Variants in ZNF678 observed in about 807,000 individuals in gnomAD.
The protein encoded by ZNF678 is zinc finger protein 678.
In ZNF678, 5 loss-of-function variants were observed where a neutral mutation model predicts 3.0. The ratio of observed to expected loss-of-function variants is 1.69; its 90% CI spans 0.88 to 3.56. The LOEUF is 3.56. ZNF678 is among the 30% of genes most tolerant of loss of function. The pLI is 0.00. For synonymous variants in ZNF678, 218 were observed against 199.6 expected (o/e 1.09, Z -0.78); for missense variants, 593 against 605.0 (o/e 0.98, Z 0.21).
At chr1:227,664,588 G>C (rs1659471192), downstream of ZNF678, among the ~76,000 whole-genome samples, 1 of 152,170 alleles carries the variant, frequency 6.6e-6, no homozygotes, top group African/African-American at 2.4e-5. Context: ...TTGTTGGAAA[G>C]CATTCTCACG....
At chr1:227,642,421 A>G (rs1248191188) in intron 1 of ZNF678, among the ~76,000 whole-genome samples, 1 of 152,150 alleles carries the variant, frequency 6.6e-6, no homozygotes, top group East Asian at 1.9e-4. Flanking sequence ...GTACCTTAGC[A>G]ATGAGAGGTC....
chr1:227,568,172 T>C (rs993713729), intron 1 of ZNF678, among the ~76,000 whole-genome samples: 1 of 152,182 alleles, frequency 6.6e-6, no homozygotes, highest in Non-Finnish European at 1.5e-5. Flanking sequence ...ATTGGAGCAC[T>C]AAGCTTGTGG....
intron 1 of ZNF678, among the ~76,000 whole-genome samples, chr1:227,583,352 CTTTTTTTTTTT>C (rs796974595): frequency 3.8e-5 from 5 of 131,914 alleles, no homozygotes; most frequent in African/African-American, 1.1e-4. Context: ...TTTCTTTTTT[CTTTTTTTTTTT>C]TTTTTTGAGA....
chr1:227,592,848 A>T (rs1163077306), intron 1 of ZNF678, among the ~76,000 whole-genome samples: 1 of 152,188 alleles, frequency 6.6e-6, no homozygotes, highest in Non-Finnish European at 1.5e-5. Context: ...CACAAGTGCC[A>T]CTCCAGTTAT....
At position 227,591,271 on chromosome 1, in the gene ZNF678, C is replaced by T. The variant is rs201836335; in HGVS notation, c.-164+27547C>T. ...GGTTACACGTTCCCCTTTTTTCTAA[C>T]GAGGATTAAGGGTTATTACTAGTTC... On this transcript the variant is annotated intron_variant, in intron 1 of 3. Coordinates refer to ENST00000343776, the MANE Select transcript of ZNF678 (RefSeq NM_001367909.1). Among the ~76,000 whole-genome samples the T allele has an allele frequency of 3.3e-3, 495 of 151,968 alleles. 11 individuals are homozygous for T. Among genetic ancestry groups the T allele is most frequent in the Middle Eastern group, 0.02 (6 of 294 alleles).
chr1:227,637,561 A>C (rs73094566), intron 1 of ZNF678, among the ~76,000 whole-genome samples: 1,641 of 152,142 alleles, frequency 0.011, 34 homozygotes, highest in African/African-American at 0.038. Context: ...ACCTAATGCA[A>C]CTCCATGCTG....
At chr1:227,608,697 C>A (rs939665639) in intron 1 of ZNF678, among the ~76,000 whole-genome samples, 4 of 152,102 alleles carry the variant, frequency 2.6e-5, no homozygotes, top group African/African-American at 9.7e-5. Flanking sequence ...CAGCAAGTTT[C>A]TTCTAAGGCA....
At chr1:227,578,914 T>C (rs559827002) in intron 1 of ZNF678, among the ~76,000 whole-genome samples, 2 of 152,294 alleles carry the variant, frequency 1.3e-5, no homozygotes, top group African/African-American at 4.8e-5. Context: ...TTGGATGCGC[T>C]TTCTTCTTCT....
At chr1:227,604,992 A>G (rs942501444) in intron 1 of ZNF678, among the ~76,000 whole-genome samples, 2 of 152,040 alleles carry the variant, frequency 1.3e-5, no homozygotes, top group African/African-American at 2.4e-5. Context: ...ATTAGCTGGG[A>G]CTACAGGGGC....
intron 1 of ZNF678, among the ~76,000 whole-genome samples, chr1:227,610,681 C>A (rs1657994603): frequency 6.6e-6 from 1 of 152,160 alleles, no homozygotes; most frequent in Admixed American, 6.5e-5. Flanking sequence ...TGCCTTGGAT[C>A]CCCACCTGGA....
intron 1 of ZNF678, among the ~76,000 whole-genome samples, chr1:227,569,965 C>A (rs756783704): frequency 6.6e-6 from 1 of 152,172 alleles, no homozygotes; most frequent in African/African-American, 2.4e-5. Context: ...CTGATGAGAT[C>A]TTTTCTGGGC....
chr1:227,593,866 C>G lies in ZNF678; in HGVS notation c.-164+30142C>G, dbSNP rs1431399835. The stretch of plus-strand genomic sequence containing the variant: ...GTGTTATGAGTCCATCCCCCCCCCC[C>G]CTTTTTTTTTTTTTTGATGTACGAA... On this transcript the variant is annotated intron_variant, in intron 1 of 3. Transcript: ENST00000343776. 6.7e-4 allele frequency among the ~76,000 whole-genome samples: 57 copies of G among 85,702 alleles called. 1 individual carries two copies. The highest frequency in any genetic ancestry group is 1.8e-4 in the Non-Finnish European group (8 of 43,536). The allele number at this position is 85,702 out of a possible 152,430, so 56.2% of individuals were successfully genotyped here.
intron 1 of ZNF678, among the ~76,000 whole-genome samples, chr1:227,607,836 AT>A (rs1202068843): frequency 6.7e-6 from 1 of 149,202 alleles, no homozygotes; most frequent in East Asian, 1.9e-4. Context: ...ATTTAGTTAT[AT>A]ATAGCACATA....
chr1:227,572,789 G>A (rs1443781026), intron 1 of ZNF678, among the ~76,000 whole-genome samples: 1 of 152,238 alleles, frequency 6.6e-6, no homozygotes, highest in Non-Finnish European at 1.5e-5. Context: ...ACATGGCAAG[G>A]CCTTCTGGAG....
intron 1 of ZNF678, among the ~76,000 whole-genome samples, chr1:227,604,775 C>T (rs952252105): frequency 6.6e-6 from 1 of 152,152 alleles, no homozygotes. Context: ...ATATTTTTGA[C>T]AGTGACAAAA....
chr1:227,646,397 C>A, intron 1 of ZNF678, 147 bp from the exon 2 acceptor site: 1 of 634,594 alleles, frequency 1.6e-6, no homozygotes, highest in Non-Finnish European at 2.5e-6. Flanking sequence ...TTACAGAATG[C>A]ATTCGAGAAT....
chr1:227,676,886 G>A (rs938701752), intron 5 of ZNF678, among the ~76,000 whole-genome samples: 2 of 152,090 alleles, frequency 1.3e-5, no homozygotes, highest in Non-Finnish European at 2.9e-5. Flanking sequence ...ATTCCATGGT[G>A]TATATGTGCC....
At chr1:227,575,173 G>C (rs1656956875) in intron 1 of ZNF678, among the ~76,000 whole-genome samples, 1 of 152,178 alleles carries the variant, frequency 6.6e-6, no homozygotes, top group Admixed American at 6.5e-5. Flanking sequence ...AAGTTGGGTA[G>C]CATGATGCCT....
chr1:227,566,508 C>G (rs1231853067), intron 1 of ZNF678, among the ~76,000 whole-genome samples: 1 of 152,166 alleles, frequency 6.6e-6, no homozygotes, highest in East Asian at 1.9e-4. Flanking sequence ...TGTCTCCAGA[C>G]AGAATGGTCA....
Sources: gnomAD v4.1 joint callset for allele counts (sites outside exome capture counted in the v4.1 genomes callset) on GRCh38, gnomAD v4.1.1 for gene constraint, MANE v1.5 for transcripts, NCBI Gene and HGNC (gene_info 2026-07-23, HGNC 2026-07-21) for gene names.